LDB2: variants seen among roughly 807,000 people sequenced by gnomAD.
The protein encoded by LDB2 is LIM domain-binding protein 2.
In LDB2, 12 loss-of-function variants were observed where a neutral mutation model predicts 44.3. That is an observed-to-expected ratio of 0.27 (90% confidence interval 0.17 to 0.44). The LOEUF (loss-of-function observed/expected upper bound fraction) is 0.44, where lower values mean the gene tolerates loss of function less well. LDB2 is among the 20% of genes least tolerant of loss of function. The pLI is 1.00. For synonymous variants in LDB2, 164 were observed against 174.8 expected (o/e 0.94, Z 0.49); for missense variants, 344 against 473.5 (o/e 0.73, Z 2.54).
intron 2 of LDB2, among the ~76,000 whole-genome samples, chr4:16,652,506 C>A (rs1738568846): frequency 6.6e-6 from 1 of 152,142 alleles, no homozygotes; most frequent in African/African-American, 2.4e-5. Flanking sequence ...AGATATTTAG[C>A]CCGTCCTGGT....
intron 2 of LDB2, among the ~76,000 whole-genome samples, chr4:16,722,443 CT>C (rs1344330920): frequency 1.5e-4 from 23 of 152,068 alleles, no homozygotes; most frequent in Admixed American, 1.5e-3. Flanking sequence ...CCTTTAGCTC[CT>C]TTTTTTCTGT....
intron 5 of LDB2, among the ~76,000 whole-genome samples, chr4:16,557,572 G>T (rs1316484428): frequency 1.3e-5 from 2 of 152,222 alleles, no homozygotes; most frequent in Non-Finnish European, 2.9e-5. Flanking sequence ...GCTCAAACTG[G>T]GTGGAGCCCA....
intron 1 of LDB2, among the ~76,000 whole-genome samples, chr4:16,891,337 G>A (rs1458715320): frequency 1.6e-5 from 2 of 121,904 alleles, no homozygotes; most frequent in East Asian, 4.6e-4. Flanking sequence ...TTTTGAGATG[G>A]AGTCTCACTC....
At chr4:16,521,122 G>T (rs1209735169) in intron 5 of LDB2, among the ~76,000 whole-genome samples, 3 of 152,170 alleles carry the variant, frequency 2.0e-5, no homozygotes, top group African/African-American at 7.2e-5. Flanking sequence ...AGAGAAGCAG[G>T]TTGTGTTCAT....
chr4:16,559,658 G>C (rs1387766520), intron 5 of LDB2, among the ~76,000 whole-genome samples: 1 of 152,004 alleles, frequency 6.6e-6, no homozygotes, highest in African/African-American at 2.4e-5. Flanking sequence ...ACAGATCAAC[G>C]AGACAGAAAG....
intron 2 of LDB2, among the ~76,000 whole-genome samples, chr4:16,643,131 G>T (rs74598843): frequency 7.1e-6 from 1 of 139,954 alleles, no homozygotes; most frequent in Non-Finnish European, 1.5e-5. Context: ...CCACACAATC[G>T]GTTTATTACA....
At chr4:16,603,502 T>A (rs1723122165) in intron 2 of LDB2, among the ~76,000 whole-genome samples, 1 of 152,180 alleles carries the variant, frequency 6.6e-6, no homozygotes, top group African/African-American at 2.4e-5. Context: ...CCTTGGAGGA[T>A]CTCATCTGGA....
At chr4:16,639,255 T>C (rs1734492974) in intron 2 of LDB2, among the ~76,000 whole-genome samples, 1 of 152,184 alleles carries the variant, frequency 6.6e-6, no homozygotes, top group Admixed American at 6.5e-5. Flanking sequence ...CCATGTAAAA[T>C]AATTTAAAGG....
At position 16,846,452 on chromosome 4, in the gene LDB2, G is replaced by A. The variant is rs548133351; in HGVS notation, c.132+51902C>T. ...ATCAAACTCTTTAGCAGAACAAGTT[G>A]CATTTTAACTTATTGGAAGTGAGTC... On this transcript the variant is annotated intron_variant, in intron 1 of 7. Coordinates refer to ENST00000304523, the MANE Select transcript of LDB2 (RefSeq NM_001290.5). Among the ~76,000 whole-genome samples the A allele has an allele frequency of 5.3e-5, 8 of 152,236 alleles. No individual in the cohort carries two copies. In the South Asian group the frequency reaches 1.2e-3, roughly 24 times the overall value.
intron 5 of LDB2, among the ~76,000 whole-genome samples, chr4:16,553,446 G>A (rs1197561313): frequency 2.0e-5 from 3 of 152,178 alleles, no homozygotes; most frequent in South Asian, 2.1e-4. Flanking sequence ...ACAGGCATGG[G>A]CCACTGCACC....
intron 1 of LDB2, among the ~76,000 whole-genome samples, chr4:16,787,994 G>C (rs1233439376): frequency 2.0e-5 from 3 of 152,092 alleles, no homozygotes; most frequent in African/African-American, 7.2e-5. Context: ...CTTCCTATAG[G>C]AATAAATGAA....
intron 1 of LDB2, among the ~76,000 whole-genome samples, chr4:16,800,726 G>C (rs958792244): frequency 2.0e-5 from 3 of 152,238 alleles, no homozygotes; most frequent in Non-Finnish European, 4.4e-5. Context: ...CCAGGCTGGA[G>C]TGCAGTGGCG....
At chr4:16,551,685 T>A (rs1048082971) in intron 5 of LDB2, among the ~76,000 whole-genome samples, 3 of 151,982 alleles carry the variant, frequency 2.0e-5, no homozygotes, top group Non-Finnish European at 2.9e-5. Flanking sequence ...GCCCAAATAA[T>A]TTTTGTATTT....
At chr4:16,558,460 G>A (rs1740653161) in intron 5 of LDB2, among the ~76,000 whole-genome samples, 1 of 152,198 alleles carries the variant, frequency 6.6e-6, no homozygotes, top group Non-Finnish European at 1.5e-5. Flanking sequence ...AAGGGTATCA[G>A]TGATGGAAGA....
At chr4:16,562,501 C>G (rs1180892280) in intron 5 of LDB2, among the ~76,000 whole-genome samples, 2 of 152,180 alleles carry the variant, frequency 1.3e-5, no homozygotes, top group Admixed American at 1.3e-4. Flanking sequence ...AAATGCAAAT[C>G]AAAACCACAA....
chr4:16,748,802 T>C (rs140133884), intron 2 of LDB2, among the ~76,000 whole-genome samples: 73 of 152,316 alleles, frequency 4.8e-4, no homozygotes, highest in African/African-American at 1.7e-3. Flanking sequence ...AATGTAGTGT[T>C]TGGAAATAAT....
chr4:16,630,014 G>A (rs1578323912), intron 2 of LDB2, among the ~76,000 whole-genome samples: 1 of 152,170 alleles, frequency 6.6e-6, no homozygotes, highest in Non-Finnish European at 1.5e-5. Flanking sequence ...AAAACACTCT[G>A]CAGGATATTA....
intron 1 of LDB2, among the ~76,000 whole-genome samples, chr4:16,829,629 C>T (rs1420670828): frequency 1.3e-5 from 2 of 152,066 alleles, no homozygotes; most frequent in Non-Finnish European, 2.9e-5. Flanking sequence ...TATGAAATTA[C>T]CGTAGTAATA....
At chr4:16,612,883 G>A (rs1332243999) in intron 2 of LDB2, among the ~76,000 whole-genome samples, 1 of 152,070 alleles carries the variant, frequency 6.6e-6, no homozygotes, top group African/African-American at 2.4e-5. Flanking sequence ...ACCCAAACCG[G>A]GAAGAGACAG....
Sources: allele counts gnomAD v4.1 joint callset (sites outside exome capture counted in the v4.1 genomes callset), GRCh38; gene constraint gnomAD v4.1.1; transcripts MANE v1.5; gene names NCBI Gene and HGNC (gene_info 2026-07-23, HGNC 2026-07-21).